NOTCH1: variants seen among roughly 807,000 people sequenced by gnomAD.
NOTCH1 encodes neurogenic locus notch homolog protein 1.
Under a neutral mutation model 254.8 loss-of-function variants are expected in NOTCH1, and 37 were observed. That is an observed-to-expected ratio of 0.15 (90% CI 0.11 to 0.19). The LOEUF is 0.19. Among genes scored for constraint, NOTCH1 ranks in the 10% least tolerant of loss-of-function variants. The probability of loss-of-function intolerance (pLI) is 1.00; values close to 1 mark genes in which losing one functional copy is unlikely to be tolerated. For synonymous variants in NOTCH1, 1,731 were observed against 1,618.1 expected (o/e 1.07, Z -1.68); for missense variants, 2,972 against 3,708.6 (o/e 0.80, Z 5.16).
rs1843812074 is a variant in NOTCH1, at chr9:136,545,994, G to GCCCGCAC, written c.-209_-208insGTGCGGG. Among the ~76,000 whole-genome samples the GCCCGCAC allele has an allele frequency of 8.0e-6, 1 of 124,306 alleles. No homozygotes were observed. Among genetic ancestry groups the GCCCGCAC allele is most frequent in the Non-Finnish European group, 1.6e-5 (1 of 61,384 alleles). 81.5% of individuals were successfully genotyped at this position (124,306 alleles called of 152,430 possible). On this transcript the variant is annotated 5_prime_UTR_variant, in exon 1 of 34. Coordinates refer to ENST00000651671, the MANE Select transcript of NOTCH1 (RefSeq NM_017617.5). This position sits in a 1 kb window ranked among gnomAD's most constrained non-coding sequence, Gnocchi z 6.8. ...GTTCCTTCGCTGCGCTCGCGCCCGCGCCCGCGCCCCGCGCCCCGCGCCCTT... is the reference window on the plus strand; with the variant it reads ...GTTCCTTCGCTGCGCTCGCGCCCGCGCCCGCACCCCGCGCCCCGCGCCCCGCGCCCTT...
At chr9:136,530,230 C>A (rs1843538450) in intron 2 of NOTCH1, among the ~76,000 whole-genome samples, 1 of 152,220 alleles carries the variant, frequency 6.6e-6, no homozygotes, top group South Asian at 2.1e-4. Context: ...TTGCCGGCAC[C>A]CCCAGCTCTT....
chr9:136,534,018 G>A (rs1843603438), intron 2 of NOTCH1, among the ~76,000 whole-genome samples: 1 of 152,234 alleles, frequency 6.6e-6, no homozygotes, highest in Non-Finnish European at 1.5e-5. Flanking sequence ...CAGGAAGCTG[G>A]GAGCCACCGC....
At chr9:136,543,653 C>T (rs1005087560) in intron 2 of NOTCH1, 8 of 411,128 alleles carry the variant, frequency 1.9e-5, no homozygotes, top group South Asian at 1.7e-4. Flanking sequence ...GGAGGCGCCC[C>T]AAGTTGGCAG....
intron 2 of NOTCH1, among the ~76,000 whole-genome samples, chr9:136,533,477 G>C (rs374754930): frequency 2.0e-5 from 3 of 152,260 alleles, no homozygotes; most frequent in African/African-American, 7.2e-5. Context: ...TGTGCGGCAC[G>C]GGGCTCATCT....
rs370746889 is a variant in NOTCH1 at position 136,518,178 on chromosome 9, G to A, written c.1214C>T (p.Thr405Met). 18 of 1,600,826 alleles carry A rather than the reference G, an allele frequency of 1.1e-5. No homozygotes were observed. The highest frequency in any genetic ancestry group is 4.5e-5 in the East Asian group (2 of 44,348). The change falls in exon 7 of 34, where the codon ACG becomes ATG. Residue 405 changes from threonine (T) to methionine (M), a missense_variant. Physicochemically the swap from Thr to Met is moderately conservative, Grantham distance 81 (BLOSUM62 -1). This residue lies in a region of NOTCH1 where 90 missense variants were observed against 183.6 expected (regional missense o/e 0.49). Coordinates refer to ENST00000651671, the MANE Select transcript of NOTCH1 (RefSeq NM_017617.5). ...KAICTCPSGY[T>M]GPACSQDVDE... ...CACGTCCTGGCTGCAGGCCGGGCCCGTGTACCCCGAGGGGCAGGTGCAGAT... is the reference window on the plus strand; with the variant it reads ...CACGTCCTGGCTGCAGGCCGGGCCCATGTACCCCGAGGGGCAGGTGCAGAT...
rs2133317921 is a variant in NOTCH1 at position 136,497,163 on chromosome 9, G to A, written c.6576C>T (p.Asp2192=). The A allele has an allele frequency of 2.5e-6, 4 of 1,612,774 alleles. No homozygotes were observed. Among genetic ancestry groups the A allele is most frequent in the Non-Finnish European group, 3.4e-6 (4 of 1,179,960 alleles). The part of the protein sequence containing the change: ...KSQDGKGCLL[D]SSGMLSPVDS... Reference sequence around the variant, plus strand: ...CCACGGGCGAGAGCATGCCGGAGCTGTCCAGCAGGCAGCCCTTGCCGTCCT... The same window carrying A: ...CCACGGGCGAGAGCATGCCGGAGCTATCCAGCAGGCAGCCCTTGCCGTCCT... The change falls in exon 34 of 34, where the codon GAC becomes GAT. Residue 2192 remains aspartate (D), a synonymous_variant. Transcript: ENST00000651671.
intron 2 of NOTCH1, among the ~76,000 whole-genome samples, chr9:136,535,009 CTCCCCACAGAGCCCCCGAGTCCG>C (rs1445441016): frequency 1.4e-3 from 200 of 141,922 alleles, no homozygotes; most frequent in African/African-American, 4.5e-3. Context: ...CCCCCAGTCC[CTCCCCACAGAGCCCCCGAGTCCG>C]TCCCCACAGG....
At chr9:136,511,397 CACCGAG>C (rs1159041156) in intron 15 of NOTCH1, 126 bp from the exon 16 acceptor site, 10 of 1,259,924 alleles carry the variant, frequency 7.9e-6, no homozygotes, top group Non-Finnish European at 1.1e-5. Flanking sequence ...GGCAAATGTG[CACCGAG>C]ACCCCTGAGC....
intron 28 of NOTCH1, 49 bp from the exon 29 acceptor site, chr9:136,502,137 G>A (rs761216143): frequency 2.5e-6 from 4 of 1,607,666 alleles, no homozygotes; most frequent in Non-Finnish European, 2.5e-6. Flanking sequence ...TCCCTAGGAA[G>A]CCCCCAGAGA....
At position 136,523,116 on chromosome 9, in the gene NOTCH1, T is replaced by C. The variant is rs1843401164; in HGVS notation, c.476A>G (p.Glu159Gly). Residue 159 changes from glutamate to glycine, a missense_variant, in exon 4 of 34, where the codon GAG becomes GGG. Coordinates refer to ENST00000651671, the MANE Select transcript of NOTCH1 (RefSeq NM_017617.5). ...TGGGCAGTGGCAGATGTAGGAGGCC[T>C]CGAAGGGCAGGCACTGGCCACCGTT... ...CANGGQCLPF[E>G]ASYICHCPPS... 1.9e-6 allele frequency: 3 copies of C among 1,602,922 alleles called. No individual in the cohort carries two copies. The Admixed American group carries it at 5.1e-5, about 27-fold the overall frequency.
chr9:136,541,554 C>T (rs572391535), intron 2 of NOTCH1, among the ~76,000 whole-genome samples: 38 of 152,324 alleles, frequency 2.5e-4, no homozygotes, highest in African/African-American at 8.9e-4. Context: ...GGTTTCTCCC[C>T]TTGCTGGGGG....
intron 31 of NOTCH1, 49 bp downstream of exon 31, chr9:136,500,503 C>T (rs2133325198): frequency 6.2e-7 from 1 of 1,601,218 alleles, no homozygotes; most frequent in Non-Finnish European, 8.5e-7. Context: ...CCCAGACCAC[C>T]AGGCGGCCCT....
At chr9:136,520,833 G>A (rs1451353507) in intron 4 of NOTCH1, among the ~76,000 whole-genome samples, 1 of 152,200 alleles carries the variant, frequency 6.6e-6, no homozygotes, top group Non-Finnish European at 1.5e-5. Context: ...CCCCTGGCTG[G>A]GCCTGCGACC....
chr9:136,523,623 C>A lies in NOTCH1; in HGVS notation c.403+94G>T, dbSNP rs1000503062. ...TCCCAATTACTTCCGGGTCAGAGAC[C>A]CGGGCCTGGATCCCGCCAAGTACCT... is the stretch of plus-strand genomic sequence containing the variant. On this transcript the variant is annotated intron_variant, in intron 3 of 33. Transcript: ENST00000651671. The A allele has an allele frequency of 2.6e-5, 39 of 1,490,222 alleles. No homozygotes were observed. In the Middle Eastern group the frequency reaches 7.1e-4, roughly 27 times the overall value. The allele number at this position is 1,490,222 out of a possible 1,614,324, so 92.3% of individuals were successfully genotyped here. A position where few individuals can be genotyped will look rare whatever the true frequency, so the allele number is the denominator to read the frequency against.
At chr9:136,531,587 G>A (rs1049878062) in intron 2 of NOTCH1, among the ~76,000 whole-genome samples, 4 of 152,224 alleles carry the variant, frequency 2.6e-5, no homozygotes, top group East Asian at 1.9e-4. Context: ...AGCCCTGGGC[G>A]AGAGAGACCC....
In NOTCH1 at chr9:136,502,499, G is replaced by A. The variant is rs756486803; in HGVS notation, c.5168-11C>T. The A allele has an allele frequency of 2.7e-5, 40 of 1,506,850 alleles. No individual in the cohort carries two copies. The highest frequency in any genetic ancestry group is 5.6e-5 in the African/African-American group (4 of 71,986). The allele number at this position is 1,506,850 out of a possible 1,614,324, so 93.3% of individuals were successfully genotyped here. A position where few individuals can be genotyped will look rare whatever the true frequency, so the allele number is the denominator to read the frequency against. On this transcript the variant is annotated splice_polypyrimidine_tract_variant and intron_variant, in intron 27 of 33. Transcript: ENST00000651671. ...GCTCCACGGTCTCACCTGCGGGCAC[G>A]GGGGCCAGGGGCAGGTGCCCGGACA...
intron 13 of NOTCH1, 61 bp downstream of exon 13, chr9:136,514,449 T>C: frequency 6.6e-7 from 1 of 1,517,538 alleles, no homozygotes; most frequent in Non-Finnish European, 8.9e-7. Context: ...GCCACCCTCC[T>C]GGCAGCAGAG....
intron 30 of NOTCH1, 45 bp from the exon 31 acceptor site, chr9:136,500,892 A>G (rs1842985037): frequency 2.6e-6 from 4 of 1,536,864 alleles, no homozygotes; most frequent in Non-Finnish European, 3.5e-6. Flanking sequence ...GCCGGTCCCC[A>G]GCTGCAGCCC....
At chr9:136,519,289 G>A (rs903683298) in intron 5 of NOTCH1, among the ~76,000 whole-genome samples, 154 bp downstream of exon 5, 2 of 152,230 alleles carry the variant, frequency 1.3e-5, no homozygotes, top group Admixed American at 6.5e-5. Context: ...ACGGGAAGTG[G>A]GGCCCCCATC....
Sources: gnomAD v4.1 joint callset for allele counts (sites outside exome capture counted in the v4.1 genomes callset) on GRCh38, gnomAD v4.1.1 for gene constraint, gnomAD v4.1.1 regional missense constraint, Gnocchi (gnomAD v3.1) non-coding constraint, MANE v1.5 for transcripts, NCBI Gene and HGNC (gene_info 2026-07-23, HGNC 2026-07-21) for gene names.